MYO1C: variants seen among roughly 807,000 people sequenced by gnomAD.
MYO1C encodes the protein unconventional myosin-Ic.
Under a neutral mutation model 150.8 loss-of-function variants are expected in MYO1C, and 104 were observed. The observed-to-expected ratio is 0.69, with a 90% confidence interval of 0.59 to 0.81. MYO1C has a LOEUF of 0.81. Ranked by LOEUF, MYO1C falls within the 30% of genes least tolerant of loss-of-function variation. The probability of loss-of-function intolerance (pLI) is 0.00; values close to 1 mark genes in which losing one functional copy is unlikely to be tolerated. For missense variants in MYO1C, 1,504 were observed against 1,435.0 expected, an observed-to-expected ratio of 1.05 and a Z score of -0.78; for synonymous variants, 663 against 579.9, an observed-to-expected ratio of 1.14 and a Z score of -2.06.
chr17:1,474,060 C>T (rs2074353729), intron 17 of MYO1C, among the ~76,000 whole-genome samples: 1 of 152,078 alleles, frequency 6.6e-6, no homozygotes, highest in South Asian at 2.1e-4. Flanking sequence ...CAGACGTACA[C>T]AAGGATTCCC....
chr17:1,482,388 C>A, intron 5 of MYO1C, 90 bp downstream of exon 5: 2 of 1,169,230 alleles, frequency 1.7e-6, no homozygotes, highest in South Asian at 2.4e-5. Flanking sequence ...GGAATTGCAG[C>A]ACCTGGAATA....
chr17:1,473,792 C>T (rs1006244332), intron 17 of MYO1C, among the ~76,000 whole-genome samples: 1 of 152,194 alleles, frequency 6.6e-6, no homozygotes. Context: ...ATAGGTTCAT[C>T]TGACATTCCC....
chr17:1,488,340 A>G (rs1213527915), intron 1 of MYO1C, among the ~76,000 whole-genome samples: 5 of 152,144 alleles, frequency 3.3e-5, no homozygotes, highest in African/African-American at 1.2e-4. Flanking sequence ...GGGCGGCTCC[A>G]GCACTGGCAA....
At chr17:1,474,376 C>T (rs543095386) in intron 17 of MYO1C, among the ~76,000 whole-genome samples, 185 of 151,042 alleles carry the variant, frequency 1.2e-3, no homozygotes, top group Non-Finnish European at 1.1e-3. Context: ...TGCAGTGAGC[C>T]CAGATTGCGC....
intron 5 of MYO1C, chr17:1,481,175 C>T (rs777294313): frequency 2.2e-6 from 1 of 455,500 alleles, no homozygotes; most frequent in South Asian, 2.3e-5. Flanking sequence ...CCTCTTCAAA[C>T]AAGCTCCTGT....
In MYO1C at chr17:1,478,949, C is replaced by T. The variant is rs918559010; in HGVS notation, c.1093-214G>A. Among the ~76,000 whole-genome samples the T allele has an allele frequency of 2.2e-4, 33 of 152,154 alleles. No homozygotes were observed. The highest frequency in any genetic ancestry group is 2.1e-4 in the South Asian group (1 of 4,834). ...GTAGAGGGACAGGAGGCCTCCTTCC[C>T]GAGGTGGGAGTCTGGTTCTAGCCGG... On this transcript the variant is annotated intron_variant, in intron 9 of 31. Transcript: ENST00000648651. This position sits in a 1 kb window ranked among gnomAD's most constrained non-coding sequence, Gnocchi z 6.3.
At chr17:1,471,801 C>T (rs1320963312) in intron 19 of MYO1C, 106 bp downstream of exon 19, 3 of 1,236,450 alleles carry the variant, frequency 2.4e-6, no homozygotes, top group Admixed American at 3.4e-5. Context: ...GCCTCCGCAT[C>T]CGCATTTCTA....
At chr17:1,480,970 C>T in intron 5 of MYO1C, 85 bp from the exon 6 acceptor site, 1 of 1,485,994 alleles carries the variant, frequency 6.7e-7, no homozygotes, top group South Asian at 1.2e-5. Context: ...CACTCCTGGG[C>T]TTTGGCAGCC....
chr17:1,476,256 G>A (rs926403338), intron 14 of MYO1C, among the ~76,000 whole-genome samples: 8 of 150,992 alleles, frequency 5.3e-5, no homozygotes, highest in Admixed American at 5.3e-4. Context: ...TCAGCTCACT[G>A]CAAGCTCCGC....
intron 1 of MYO1C, chr17:1,491,763 C>G (rs2074738065): frequency 1.7e-6 from 1 of 573,396 alleles, no homozygotes; most frequent in Non-Finnish European, 2.2e-6. Context: ...CGCCCCGCCC[C>G]GCCTCAGCCC....
At chr17:1,467,140 G>T in intron 31 of MYO1C, 102 bp downstream of exon 31, 1 of 1,096,450 alleles carries the variant, frequency 9.1e-7, no homozygotes, top group Non-Finnish European at 1.3e-6. Flanking sequence ...GATGGCCTCT[G>T]GATGAAGGCC....
At chr17:1,474,397 C>T (rs1402648985) in intron 17 of MYO1C, among the ~76,000 whole-genome samples, 1 of 147,414 alleles carries the variant, frequency 6.8e-6, no homozygotes, top group Non-Finnish European at 1.5e-5. Flanking sequence ...CACTGCACTC[C>T]AGCCTGGGCA....
Position 1,485,173 on chromosome 17 carries a change from A to T in MYO1C, c.76-870T>A, listed in dbSNP as rs2074625953. 4 of 1,191,816 alleles carry T rather than the reference A, an allele frequency of 3.4e-6. No individual in the cohort carries two copies. The South Asian group carries it at 4.6e-5, about 14-fold the overall frequency. The allele number at this position is 1,191,816 out of a possible 1,614,324, so 73.8% of individuals were successfully genotyped here. Reference sequence around the variant, plus strand: ...CCTACTGGAGGGTGGAGGGTGGTGCAGGCTGAGCAAGACCCTCGCCCCACA... The same window carrying T: ...CCTACTGGAGGGTGGAGGGTGGTGCTGGCTGAGCAAGACCCTCGCCCCACA... On this transcript the variant is annotated intron_variant, in intron 1 of 31. Transcript: ENST00000648651.
In MYO1C at chr17:1,478,324, C is replaced by T. The variant is rs2074442548; in HGVS notation, c.1295+86G>A. ...CAGTCCCCGGCTGGCTGGGGAGTCA[C>T]AGGGCAGGAATGAGAGGCTGGAGGA... On this transcript the variant is annotated intron_variant, in intron 11 of 31. Transcript: ENST00000648651. The surrounding 1 kb of genome is among the most constrained non-coding windows in gnomAD (Gnocchi z 6.3). 9.5e-6 allele frequency: 15 copies of T among 1,583,794 alleles called. No homozygotes were observed. Among genetic ancestry groups the T allele is most frequent in the Non-Finnish European group, 1.2e-5 (14 of 1,152,792 alleles).
rs1225152922 is a variant in MYO1C at position 1,464,286 on chromosome 17, C to A, written c.*1440G>T. On this transcript the variant is annotated 3_prime_UTR_variant, in exon 32 of 32. Transcript: ENST00000648651. ...AGGGCATAGAGGCAGCTGGGCAGCC[C>A]CCAGGCCCTTGAGGGTAGGAGCAGG... 1 of 152,664 alleles carries A rather than the reference C, an allele frequency of 6.6e-6. No individual in the cohort carries two copies. The highest frequency in any genetic ancestry group is 1.5e-5 in the Non-Finnish European group (1 of 68,096). 9.5% of individuals were successfully genotyped at this position (152,664 alleles called of 1,614,324 possible).
Position 1,468,045 on chromosome 17 carries a change from C to CGGCGTTGGGCGTGAGCAGCAGCTGCCG in MYO1C, c.2812_2838dup (p.Arg938_Ala946dup). The CGGCGTTGGGCGTGAGCAGCAGCTGCCG allele has an allele frequency of 6.2e-7, 1 of 1,613,114 alleles. No homozygotes were observed. Among genetic ancestry groups the CGGCGTTGGGCGTGAGCAGCAGCTGCCG allele is most frequent in the Non-Finnish European group, 8.5e-7 (1 of 1,179,914 alleles). On this transcript the variant is annotated inframe_insertion, in exon 28 of 32. Coordinates refer to ENST00000648651, the MANE Select transcript of MYO1C (RefSeq NM_001080779.2). ...ACTTTGGCGTCCTCCACGATGACGA[C>CGGCGTTGGGCGTGAGCAGCAGCTGCCG]GGCGTTGGGCGTGAGCAGCAGCTGC...
chr17:1,467,197 G>A (rs759803032), intron 31 of MYO1C, 45 bp downstream of exon 31: 5 of 1,549,340 alleles, frequency 3.2e-6, no homozygotes, highest in South Asian at 1.2e-5. Context: ...AGGAAGGCTT[G>A]GCTATCACAG....
chr17:1,484,480 C>T (rs2074610055), intron 1 of MYO1C, 177 bp from the exon 2 acceptor site: 6 of 732,948 alleles, frequency 8.2e-6, no homozygotes, highest in East Asian at 2.7e-5. Context: ...TGTGGTGGGC[C>T]GGGTGCGGAA....
chr17:1,470,700 G>C lies in MYO1C; in HGVS notation c.2213-11C>G, dbSNP rs1172451215. On this transcript the variant is annotated splice_polypyrimidine_tract_variant and intron_variant, in intron 21 of 31. Transcript: ENST00000648651. Reference sequence around the variant, plus strand: ...CTTGGATCTTTGTGGCTGCGGTTGGGAAAGAAAGGCAATTGGCCAGAGCGC... The same window carrying C: ...CTTGGATCTTTGTGGCTGCGGTTGGCAAAGAAAGGCAATTGGCCAGAGCGC... 1.9e-6 allele frequency: 3 copies of C among 1,601,020 alleles called. No homozygotes were observed. In the East Asian group the frequency reaches 6.7e-5, roughly 36 times the overall value.
Sources: allele counts gnomAD v4.1 joint callset (sites outside exome capture counted in the v4.1 genomes callset), GRCh38; gene constraint gnomAD v4.1.1; non-coding constraint Gnocchi (gnomAD v3.1); transcripts MANE v1.5; gene names NCBI Gene and HGNC (gene_info 2026-07-23, HGNC 2026-07-21).